Variants in MED12L observed in about 807,000 individuals in gnomAD.
MED12L encodes the protein mediator complex subunit 12L, also known as mediator of RNA polymerase II transcription subunit 12-like protein.
Under a neutral mutation model 281.3 loss-of-function variants are expected in MED12L, and 60 were observed. That is an observed-to-expected ratio of 0.21 (90% CI 0.17 to 0.26). MED12L has a LOEUF of 0.26. MED12L is among the 10% of genes least tolerant of loss of function. MED12L has a pLI of 1.00. For missense variants in MED12L, 2,146 were observed against 2,680.9 expected (o/e 0.80, Z 4.41); for synonymous variants, 974 against 987.2 (o/e 0.99, Z 0.25).
At chr3:151,407,016 G>C (rs1487039872) in intron 39 of MED12L, among the ~76,000 whole-genome samples, 2 of 152,040 alleles carry the variant, frequency 1.3e-5, no homozygotes, top group African/African-American at 4.8e-5. Flanking sequence ...GCCCAGGCTG[G>C]TCTCGAACTG....
chr3:151,343,075 C>T (rs1752076163), intron 16 of MED12L, among the ~76,000 whole-genome samples: 1 of 152,232 alleles, frequency 6.6e-6, no homozygotes, highest in Non-Finnish European at 1.5e-5. Flanking sequence ...ACCCTCTCCT[C>T]AACCCCTCTC....
chr3:151,239,835 C>G (rs777216801), intron 16 of MED12L, among the ~76,000 whole-genome samples: 21 of 152,266 alleles, frequency 1.4e-4, no homozygotes, highest in Non-Finnish European at 2.8e-4. Flanking sequence ...TTATACTGGA[C>G]TGTCTATAAA....
At chr3:151,262,900 G>A (rs2149507371) in intron 16 of MED12L, among the ~76,000 whole-genome samples, 1 of 152,270 alleles carries the variant, frequency 6.6e-6, no homozygotes, top group African/African-American at 2.4e-5. Flanking sequence ...GTAAGGCTTG[G>A]TGAGGTTAAG....
At chr3:151,159,736 TTA>T (rs2148952638) in intron 7 of MED12L, 94 bp from the exon 8 acceptor site, 1 of 1,244,378 alleles carries the variant, frequency 8.0e-7, no homozygotes. Flanking sequence ...TGAAGTTTTT[TTA>T]TCTTTTTTAA....
At chr3:151,424,101 A>G (rs1718581360) in intron 43 of MED12L, among the ~76,000 whole-genome samples, 1 of 152,226 alleles carries the variant, frequency 6.6e-6, no homozygotes, top group South Asian at 2.1e-4. Flanking sequence ...AGTAGCAGGC[A>G]CAGATAATAT....
At chr3:151,128,114 G>T in intron 5 of MED12L, 130 bp downstream of exon 5, 1 of 737,984 alleles carries the variant, frequency 1.4e-6, no homozygotes, top group Admixed American at 2.6e-5. Flanking sequence ...ATTTGCTCGG[G>T]TATGGATAGG....
At chr3:151,237,481 C>A (rs920867467) in intron 16 of MED12L, among the ~76,000 whole-genome samples, 3 of 150,646 alleles carry the variant, frequency 2.0e-5, no homozygotes, top group African/African-American at 7.3e-5. Context: ...TCCCAAGTAG[C>A]TGGGACTACA....
chr3:151,141,255 C>CTCG (rs1401771242), intron 5 of MED12L, among the ~76,000 whole-genome samples: 1 of 148,170 alleles, frequency 6.7e-6, no homozygotes, highest in Non-Finnish European at 1.5e-5. Flanking sequence ...AAATCCTGAC[C>CTCG]TCGTGATCCA....
intron 39 of MED12L, among the ~76,000 whole-genome samples, chr3:151,404,713 A>C (rs1439718971): frequency 6.6e-6 from 1 of 152,236 alleles, no homozygotes; most frequent in Non-Finnish European, 1.5e-5. Context: ...TGTGGTTTTT[A>C]TAGATATAAC....
At chr3:151,350,328 A>C in intron 17 of MED12L, 122 bp downstream of exon 17, 80 of 850,446 alleles carry the variant, frequency 9.4e-5, no homozygotes, top group Non-Finnish European at 1.3e-4. Flanking sequence ...AATGACTCTC[A>C]CATTGAAATG....
intron 43 of MED12L, among the ~76,000 whole-genome samples, chr3:151,422,710 A>G (rs1718392522): frequency 6.6e-6 from 1 of 152,130 alleles, no homozygotes; most frequent in African/African-American, 2.4e-5. Flanking sequence ...TTTAGGGAAC[A>G]TAATTCAACC....
intron 16 of MED12L, among the ~76,000 whole-genome samples, chr3:151,248,157 T>G (rs1410395681): frequency 6.6e-6 from 1 of 151,984 alleles, no homozygotes; most frequent in Non-Finnish European, 1.5e-5. Context: ...TGTTTGTTAT[T>G]TAAATGTTTA....
At chr3:151,412,250 C>T (rs1035706648) in intron 41 of MED12L, among the ~76,000 whole-genome samples, 1 of 152,186 alleles carries the variant, frequency 6.6e-6, no homozygotes, top group African/African-American at 2.4e-5. Context: ...AAAAAGGCTT[C>T]ATGCTTAGTT....
chr3:151,230,896 G>A (rs757046610), intron 16 of MED12L, among the ~76,000 whole-genome samples: 2 of 152,122 alleles, frequency 1.3e-5, no homozygotes, highest in Non-Finnish European at 2.9e-5. Flanking sequence ...AGGAAACAGG[G>A]CTCCTTAAGA....
At chr3:151,354,544 T>A (rs1753681668) in intron 17 of MED12L, among the ~76,000 whole-genome samples, 1 of 152,166 alleles carries the variant, frequency 6.6e-6, no homozygotes, top group Non-Finnish European at 1.5e-5. Flanking sequence ...TTTGATTAAG[T>A]CAAAGTGAGC....
intron 16 of MED12L, among the ~76,000 whole-genome samples, chr3:151,209,219 G>A (rs953338070): frequency 1.3e-5 from 2 of 152,166 alleles, no homozygotes; most frequent in Admixed American, 1.3e-4. Context: ...TGAAGCAGGG[G>A]GAGATAGGAA....
At chr3:151,116,678 C>G (rs1162875441) in intron 3 of MED12L, among the ~76,000 whole-genome samples, 1 of 152,188 alleles carries the variant, frequency 6.6e-6, no homozygotes, top group Non-Finnish European at 1.5e-5. Flanking sequence ...CCTCCCCATT[C>G]CTGCCTTTTT....
At chr3:151,428,047 C>A (rs532151525) in intron 43 of MED12L, among the ~76,000 whole-genome samples, 1 of 152,304 alleles carries the variant, frequency 6.6e-6, no homozygotes, top group South Asian at 2.1e-4. Flanking sequence ...TATAATTATT[C>A]ATGTGCTTGC....
Position 151,365,867 on chromosome 3 carries a change from A to T in MED12L, c.3203A>T (p.Asn1068Ile). The change falls in exon 23 of 45, where the codon AAT (asparagine) becomes ATT (isoleucine). Residue 1068 changes from asparagine to isoleucine, a missense_variant. Asn to Ile is a moderately radical substitution (Grantham distance 149). Coordinates refer to ENST00000687756, the MANE Select transcript of MED12L (RefSeq NM_001393769.1). ...QDAGRINDIANFSSELTACCT... is the reference protein window; with the variant it reads ...QDAGRINDIAIFSSELTACCT... ...TTTTCTAGGATTAACGACATAGCCA[A>T]TTTCTCCTCTGAGCTTACGGCTTGC... 1 of 1,610,058 alleles carries T rather than the reference A, an allele frequency of 6.2e-7. No individual in the cohort carries two copies. Among genetic ancestry groups the T allele is most frequent in the East Asian group, 2.2e-5 (1 of 44,832 alleles).
Sources: allele counts gnomAD v4.1 joint callset (sites outside exome capture counted in the v4.1 genomes callset), GRCh38; gene constraint gnomAD v4.1.1; transcripts MANE v1.5; gene names NCBI Gene and HGNC (gene_info 2026-07-23, HGNC 2026-07-21).